Variants in SLC5A8 observed in about 807,000 individuals in gnomAD.
The protein encoded by SLC5A8 is solute carrier family 5 member 8, also known as sodium-coupled monocarboxylate transporter 1.
In SLC5A8, 55 loss-of-function variants were observed where a neutral mutation model predicts 71.9. That is an observed-to-expected ratio of 0.77 (90% CI 0.62 to 0.96). The LOEUF (loss-of-function observed/expected upper bound fraction) is 0.96, where lower values mean the gene tolerates loss of function less well. Ranked by LOEUF, SLC5A8 falls within the 40% of genes least tolerant of loss-of-function variation. The pLI is 0.00. For missense variants in SLC5A8, 701 were observed against 745.3 expected (o/e 0.94, Z 0.69); for synonymous variants, 307 against 276.1 (o/e 1.11, Z -1.11).
chr12:101,201,607 G>A (rs1617872), intron 3 of SLC5A8, among the ~76,000 whole-genome samples: 72,094 of 151,610 alleles, frequency 0.48, 17,476 homozygotes, highest in East Asian at 0.64. Context: ...TAGAGAGTAT[G>A]GGTACTTTGT....
chr12:101,175,784 T>C (rs2051874596), intron 10 of SLC5A8, among the ~76,000 whole-genome samples: 1 of 152,014 alleles, frequency 6.6e-6, no homozygotes. Context: ...CTCAGAATCA[T>C]ATACCCAACA....
intron 7 of SLC5A8, among the ~76,000 whole-genome samples, chr12:101,185,805 T>C (rs1441255220): frequency 1.3e-5 from 2 of 152,142 alleles, no homozygotes; most frequent in Non-Finnish European, 1.5e-5. Context: ...CTCGAACTCC[T>C]GACCTCAAGT....
intron 10 of SLC5A8, among the ~76,000 whole-genome samples, chr12:101,174,099 C>T (rs971161115): frequency 3.3e-5 from 5 of 152,138 alleles, no homozygotes; most frequent in Non-Finnish European, 7.3e-5. Flanking sequence ...CGGAGTGTTC[C>T]GGAGGGCTTC....
intron 7 of SLC5A8, among the ~76,000 whole-genome samples, chr12:101,186,212 T>C (rs907707335): frequency 8.9e-6 from 1 of 112,222 alleles, no homozygotes; most frequent in South Asian, 2.6e-4. Context: ...TATTCTTTAT[T>C]AGAGGGGATG....
At chr12:101,191,654 A>G (rs1868918505) in intron 5 of SLC5A8, among the ~76,000 whole-genome samples, 1 of 152,262 alleles carries the variant, frequency 6.6e-6, no homozygotes, top group Non-Finnish European at 1.5e-5. Flanking sequence ...TTAGTGGTTT[A>G]GGCCATACAG....
Position 101,193,770 on chromosome 12 carries a change from T to A in SLC5A8, c.547A>T (p.Lys183Ter), listed in dbSNP as rs921816458. 1.2e-5 allele frequency: 20 copies of A among 1,613,774 alleles called. No homozygotes were observed. In the African/African-American group the frequency reaches 2.3e-4, roughly 18 times the overall value. The part of the protein sequence containing the change: ...CTFYCTLGGL[K>*]AVIWTDVFQV... ...AAAACATCTGTCCAGATAACTGCTT[T>A]AAGACCACCCTTTGAGGGGAAAGTA... Residue 183 changes from lysine (K) to a stop codon, truncating the protein, a stop_gained, in exon 5 of 15, where the codon AAA (lysine) becomes TAA (stop). Transcript: ENST00000536262. LOFTEE classifies it high-confidence loss of function.
chr12:101,161,312 G>A (rs140285020), intron 13 of SLC5A8, among the ~76,000 whole-genome samples: 35 of 152,142 alleles, frequency 2.3e-4, no homozygotes, highest in African/African-American at 8.4e-4. Context: ...AATGAATATA[G>A]GCAGTAGAAA....
chr12:101,196,185 C>G lies in SLC5A8; in HGVS notation c.470-1023G>C, dbSNP rs555619594. ...CCCACCTTCCACCCTCCAATAGGCC[C>G]CACTGTGTGTTGTTCTCCTCTGTGT... On this transcript the variant is annotated intron_variant, in intron 3 of 14. Coordinates refer to ENST00000536262, the MANE Select transcript of SLC5A8 (RefSeq NM_145913.5). Among the ~76,000 whole-genome samples the G allele has an allele frequency of 3.9e-5, 6 of 152,186 alleles. No homozygotes were observed. The East Asian group carries it at 9.7e-4, about 24-fold the overall frequency.
Position 101,166,498 on chromosome 12 carries a change from G to T in SLC5A8, c.1522C>A (p.Gln508Lys). Reference sequence around the variant, plus strand: ...TAATAAAACTTAATTCAATACCTTTGAACATTGTATATTTGAAAAACACTA... The same window carrying T: ...TAATAAAACTTAATTCAATACCTTTTAACATTGTATATTTGAAAAACACTA... ...TTSVFQIYNV[Q>K]RTPLMDNWYS... Residue 508 changes from glutamine to lysine, a missense_variant, in exon 12 of 15, where the codon CAA becomes AAA. Transcript: ENST00000536262. The T allele has an allele frequency of 6.2e-7, 1 of 1,612,170 alleles. No homozygotes were observed. The highest frequency in any genetic ancestry group is 1.1e-5 in the South Asian group (1 of 90,586).
In SLC5A8 at chr12:101,190,588, T is replaced by C. The variant is rs1438199589; in HGVS notation, c.713A>G (p.Gln238Arg). The change falls in exon 6 of 15, where the codon CAA (glutamine) becomes CGA (arginine). Residue 238 changes from glutamine (Q) to arginine (R), a missense_variant. By Grantham distance (43) the Gln-to-Arg change is conservative. Transcript: ENST00000536262. ...NFWNFNPNPL[Q>R]RHTFWTIIIG... is the part of the protein sequence containing the mutation. ...AATAATTGTCCAGAAGGTGTGTCTTTGCAAAGGGTTAGGATTAAAACTAAA... is the reference window on the plus strand; with the variant it reads ...AATAATTGTCCAGAAGGTGTGTCTTCGCAAAGGGTTAGGATTAAAACTAAA... 1 of 1,611,920 alleles carries C rather than the reference T, an allele frequency of 6.2e-7. No individual in the cohort carries two copies. Among genetic ancestry groups the C allele is most frequent in the Non-Finnish European group, 8.5e-7 (1 of 1,179,318 alleles).
Position 101,193,607 on chromosome 12 carries a change from CA to C in SLC5A8, c.692+17del. 1 of 1,603,974 alleles carries C rather than the reference CA, an allele frequency of 6.2e-7. No individual in the cohort carries two copies. The highest frequency in any genetic ancestry group is 8.5e-7 in the Non-Finnish European group (1 of 1,175,818). On this transcript the variant is annotated intron_variant, in intron 5 of 14. Transcript: ENST00000536262. ...AATACAAAAGATGTGTTCAGTTACC[CA>C]AGTACTAGACACTTACTTCCAGAAA...
chr12:101,186,467 T>A (rs1386692803), intron 7 of SLC5A8, among the ~76,000 whole-genome samples: 1 of 152,114 alleles, frequency 6.6e-6, no homozygotes, highest in East Asian at 1.9e-4. Context: ...CGCAAGTGAG[T>A]CTTAGAAAAT....
rs141035422 is a variant in SLC5A8 at position 101,161,066 on chromosome 12, T to C, written c.1630+908A>G. On this transcript the variant is annotated intron_variant, in intron 13 of 14. Coordinates refer to ENST00000536262, the MANE Select transcript of SLC5A8 (RefSeq NM_145913.5). ...AGTGTCAGCTGGTAGCAGAGCGCTGTCACAACAGCAACATAGCAAGCTAGA... is the reference window on the plus strand; with the variant it reads ...AGTGTCAGCTGGTAGCAGAGCGCTGCCACAACAGCAACATAGCAAGCTAGA... 2.9e-3 allele frequency among the ~76,000 whole-genome samples: 438 copies of C among 152,290 alleles called. 2 individuals are homozygous for C. The highest frequency in any genetic ancestry group is 5.0e-3 in the Non-Finnish European group (339 of 68,024).
intron 10 of SLC5A8, among the ~76,000 whole-genome samples, chr12:101,170,105 G>C (rs1445918570): frequency 1.3e-5 from 2 of 152,192 alleles, no homozygotes; most frequent in Non-Finnish European, 2.9e-5. Flanking sequence ...CTATGCCAAG[G>C]CCTGCGTGTT....
rs1168506059 is a variant in SLC5A8 at position 101,163,674 on chromosome 12, C to T, written c.1527-1597G>A. Among the ~76,000 whole-genome samples, 4 of 152,054 alleles carry T rather than the reference C, an allele frequency of 2.6e-5. No homozygotes were observed. The East Asian group carries it at 7.7e-4, about 29-fold the overall frequency. ...ACTCCGTCTCAAACAAAAACAAAAA[C>T]AAAACAATGAGAACTTGAGGTGACA... On this transcript the variant is annotated intron_variant, in intron 12 of 14. Transcript: ENST00000536262.
intron 11 of SLC5A8, 49 bp downstream of exon 11, chr12:101,168,047 A>G: frequency 6.6e-7 from 1 of 1,505,304 alleles, no homozygotes; most frequent in Non-Finnish European, 9.1e-7. Flanking sequence ...TAGAGCTGCT[A>G]GTATAGTTCA....
intron 9 of SLC5A8, among the ~76,000 whole-genome samples, chr12:101,180,328 G>A (rs946073775): frequency 6.6e-6 from 1 of 152,184 alleles, no homozygotes; most frequent in African/African-American, 2.4e-5. Flanking sequence ...ACAACAGTAG[G>A]TTATATAAGT....
At chr12:101,158,586 CTCTCTCTCTCTCTATATATATATA>C (rs1233882036) in intron 13 of SLC5A8, among the ~76,000 whole-genome samples, 31 of 42,488 alleles carry the variant, frequency 7.3e-4, no homozygotes, top group African/African-American at 2.2e-3. Context: ...CTCTCTCTCT[CTCTCTCTCTCTCTATATATATATA>C]TATATATATA....
At chr12:101,202,349 A>C (rs1869492706) in intron 2 of SLC5A8, 134 bp from the exon 3 acceptor site, 3 of 844,742 alleles carry the variant, frequency 3.6e-6, no homozygotes, top group Non-Finnish European at 3.4e-6. Context: ...AACACCTAAT[A>C]AAATTTGTTT....
Sources: gnomAD v4.1 joint callset for allele counts (sites outside exome capture counted in the v4.1 genomes callset) on GRCh38, gnomAD v4.1.1 for gene constraint, MANE v1.5 for transcripts, NCBI Gene and HGNC (gene_info 2026-07-23, HGNC 2026-07-21) for gene names.